The following GLIS2 variants were observed in gnomAD, a reference collection of about 807,000 sequenced individuals.
GLIS2 encodes zinc finger protein GLIS2.
Under a neutral mutation model 35.6 loss-of-function variants are expected in GLIS2, and 14 were observed. That is an observed-to-expected ratio of 0.39 (90% CI 0.26 to 0.61). The LOEUF (loss-of-function observed/expected upper bound fraction) is 0.61. Among genes scored for constraint, GLIS2 ranks in the 20% least tolerant of loss-of-function variants. The pLI, the probability that GLIS2 is intolerant of heterozygous loss-of-function variation, is 0.48. For missense variants in GLIS2, 675 were observed against 713.4 expected (o/e 0.95, Z 0.61); for synonymous variants, 368 against 325.1 (o/e 1.13, Z -1.42).
rs1464133919 is a variant in GLIS2 at position 4,320,151 on chromosome 16, C to T, written c.-67+3897C>T. Among the ~76,000 whole-genome samples, 1 of 152,104 alleles carries T rather than the reference C, an allele frequency of 6.6e-6. No individual in the cohort carries two copies. The highest frequency in any genetic ancestry group is 1.9e-4 in the East Asian group (1 of 5,170). Reference sequence around the variant, plus strand: ...GGCCGGCCTGTGAGTGTCACATGTGCGTGCACACGGACTCCAGCCTTGGCA... The same window carrying T: ...GGCCGGCCTGTGAGTGTCACATGTGTGTGCACACGGACTCCAGCCTTGGCA... On this transcript the variant is annotated intron_variant, in intron 1 of 6. Coordinates refer to ENST00000433375, the MANE Select transcript of GLIS2 (RefSeq NM_032575.3). This position sits in a 1 kb window ranked among gnomAD's most constrained non-coding sequence, Gnocchi z 5.6.
At chr16:4,330,009 G>A (rs758493448) in intron 1 of GLIS2, among the ~76,000 whole-genome samples, 2 of 152,166 alleles carry the variant, frequency 1.3e-5, no homozygotes, top group Non-Finnish European at 2.9e-5. Context: ...GGGCGAGGTG[G>A]CTCACACCTG....
Position 4,336,756 on chromosome 16 carries a change from C to T in GLIS2, c.807C>T (p.Gly269=), listed in dbSNP as rs1201498687. Residue 269 remains glycine (G), a synonymous_variant, in exon 7 of 7, where the codon GGC becomes GGT. Transcript: ENST00000433375. ...AGCCCTACGTCTGCCCCTACGAGGG[C>T]TGCAACAAGCGCTATTCCAACTCCA... The part of the protein sequence containing the change: ...GEKPYVCPYE[G]CNKRYSNSSD... 6.2e-7 allele frequency: 1 copy of T among 1,609,890 alleles called. No individual in the cohort carries two copies. The highest frequency in any genetic ancestry group is 2.2e-5 in the East Asian group (1 of 44,766).
intron 1 of GLIS2, chr16:4,331,459 A>G (rs1422124362): frequency 6.6e-6 from 1 of 152,264 alleles, no homozygotes; most frequent in African/African-American, 2.4e-5. Context: ...ACGTGGGTAA[A>G]TCTCTGTTCA....
At chr16:4,325,866 G>A (rs975357449) in intron 1 of GLIS2, among the ~76,000 whole-genome samples, 1 of 148,944 alleles carries the variant, frequency 6.7e-6, no homozygotes, top group East Asian at 2.0e-4. Context: ...GAGCCTCGGC[G>A]GCAGTTAGCC....
intron 1 of GLIS2, chr16:4,331,576 G>A (rs2053496619): frequency 1.3e-5 from 2 of 153,774 alleles, no homozygotes; most frequent in African/African-American, 2.4e-5. Context: ...TTAGTCTCCC[G>A]ACCGAGCTGG....
At chr16:4,326,074 TAA>T (rs1188080707) in intron 1 of GLIS2, among the ~76,000 whole-genome samples, 2 of 149,394 alleles carry the variant, frequency 1.3e-5, no homozygotes, top group Non-Finnish European at 3.0e-5. Context: ...CTATCTCTAC[TAA>T]AAAAATACAC....
At position 4,334,258 on chromosome 16, in the gene GLIS2, A is replaced by T. The variant is rs536546739; in HGVS notation, c.346-543A>T. On this transcript the variant is annotated intron_variant, in intron 3 of 6. Coordinates refer to ENST00000433375, the MANE Select transcript of GLIS2 (RefSeq NM_032575.3). ...CCGGCCTTTTTTTTTTTTTTTTTTA[A>T]ACAGGGTCTAGCTCTGTCACCCAGG... Among the ~76,000 whole-genome samples, 205 of 125,974 alleles carry T rather than the reference A, an allele frequency of 1.6e-3. 1 individual carries two copies. Among genetic ancestry groups the T allele is most frequent in the African/African-American group, 6.0e-3 (193 of 32,114 alleles). 82.6% of individuals were successfully genotyped at this position (125,974 alleles called of 152,430 possible).
At chr16:4,333,957 T>C (rs972748813) in intron 3 of GLIS2, among the ~76,000 whole-genome samples, 1 of 151,842 alleles carries the variant, frequency 6.6e-6, no homozygotes, top group Admixed American at 6.6e-5. Context: ...TATTTATTTT[T>C]TTGAGACAGA....
At chr16:4,321,499 G>A (rs966851132) in intron 1 of GLIS2, among the ~76,000 whole-genome samples, 9 of 152,234 alleles carry the variant, frequency 5.9e-5, no homozygotes, top group African/African-American at 1.9e-4. Flanking sequence ...GATATGTGAA[G>A]GGCAGGTACC....
intron 1 of GLIS2, among the ~76,000 whole-genome samples, chr16:4,326,907 C>A (rs1185090676): frequency 1.3e-5 from 2 of 152,076 alleles, no homozygotes; most frequent in African/African-American, 4.8e-5. Context: ...ATTACAGACA[C>A]CTGCCACCAC....
At chr16:4,331,420 T>C (rs1043745765) in intron 1 of GLIS2, 6 of 152,294 alleles carry the variant, frequency 3.9e-5, no homozygotes, top group African/African-American at 9.7e-5. Context: ...ATAGAAACTA[T>C]GCTAATGACT....
Position 4,337,539 on chromosome 16 carries a change from C to T in GLIS2, c.*15C>T, listed in dbSNP as rs546902295. 16 of 1,548,582 alleles carry T rather than the reference C, an allele frequency of 1.0e-5. No homozygotes were observed. The Admixed American group carries it at 2.7e-4, about 26-fold the overall frequency. ...TGGTGAACTGAGCCCATCCTGCGGA[C>T]AGTTGTGGTGCCCCCCCGGCAGCTC... On this transcript the variant is annotated 3_prime_UTR_variant, in exon 7 of 7. Coordinates refer to ENST00000433375, the MANE Select transcript of GLIS2 (RefSeq NM_032575.3).
At position 4,317,491 on chromosome 16, in the gene GLIS2, G is replaced by A. The variant is rs149786791; in HGVS notation, c.-67+1237G>A. Among the ~76,000 whole-genome samples, 269 of 152,258 alleles carry A rather than the reference G, an allele frequency of 1.8e-3. 3 individuals are homozygous for A. In the East Asian group the frequency reaches 0.042, roughly 24 times the overall value. Reference sequence around the variant, plus strand: ...TTCCAGCCCCCGGGCTCAGGGGAGGGGAAACTGGCCCCTTGGGTCACCCCT... The same window carrying A: ...TTCCAGCCCCCGGGCTCAGGGGAGGAGAAACTGGCCCCTTGGGTCACCCCT... On this transcript the variant is annotated intron_variant, in intron 1 of 6. Transcript: ENST00000433375.
intron 1 of GLIS2, among the ~76,000 whole-genome samples, chr16:4,321,709 C>T (rs905464725): frequency 1.3e-5 from 2 of 152,004 alleles, no homozygotes; most frequent in African/African-American, 4.8e-5. Flanking sequence ...GCTGGTGAGG[C>T]CTTCTCTTCA....
intron 1 of GLIS2, among the ~76,000 whole-genome samples, chr16:4,325,929 T>TTA (rs2053425379): frequency 2.5e-5 from 1 of 40,122 alleles, no homozygotes; most frequent in African/African-American, 1.2e-4. Flanking sequence ...CTCTGTGTCT[T>TTA]AAAAAAAAAA....
At chr16:4,317,563 A>G (rs1248841690) in intron 1 of GLIS2, among the ~76,000 whole-genome samples, 2 of 152,100 alleles carry the variant, frequency 1.3e-5, no homozygotes, top group African/African-American at 4.8e-5. Flanking sequence ...GTCCAGGCCC[A>G]GCCCACACAC....
intron 1 of GLIS2, among the ~76,000 whole-genome samples, chr16:4,317,897 A>AC (rs1009496620): frequency 2.2e-4 from 33 of 151,786 alleles, no homozygotes; most frequent in African/African-American, 7.5e-4. Context: ...ATTAGCGCTG[A>AC]CCCCCTGTGC....
intron 2 of GLIS2, 70 bp from the exon 3 acceptor site, chr16:4,333,277 C>A: frequency 6.4e-7 from 1 of 1,567,940 alleles, no homozygotes; most frequent in South Asian, 1.1e-5. Context: ...AGTGGGGGTT[C>A]GGAGGCAGGA....
chr16:4,331,785 GA>G (rs1216364174), intron 1 of GLIS2: 2 of 204,140 alleles, frequency 9.8e-6, no homozygotes, highest in African/African-American at 2.3e-5. Flanking sequence ...CTACAAAAAA[GA>G]AAATTTTTTT....
Sources: gnomAD v4.1 joint callset for allele counts (sites outside exome capture counted in the v4.1 genomes callset) on GRCh38, gnomAD v4.1.1 for gene constraint, Gnocchi (gnomAD v3.1) non-coding constraint, MANE v1.5 for transcripts, NCBI Gene and HGNC (gene_info 2026-07-23, HGNC 2026-07-21) for gene names.